Variants in UPF2 observed in about 807,000 individuals in gnomAD.
UPF2 encodes UPF2 regulator of nonsense mediated mRNA decay.
UPF2 carries 17 observed loss-of-function variants against 141.4 expected under a neutral mutation model. The observed-to-expected ratio is 0.12, with a 90% CI of 0.08 to 0.18. The LOEUF is 0.18. Ranked by LOEUF, UPF2 falls within the 10% of genes least tolerant of loss-of-function variation. The pLI is 1.00. For missense variants in UPF2, 1,152 were observed against 1,515.9 expected (o/e 0.76, Z 3.99); for synonymous variants, 540 against 498.0 (o/e 1.08, Z -1.12).
intron 18 of UPF2, among the ~76,000 whole-genome samples, chr10:11,937,805 T>C (rs1832873140): frequency 6.6e-6 from 1 of 152,220 alleles, no homozygotes; most frequent in African/African-American, 2.4e-5. Context: ...AAATCCTGTT[T>C]TATTGTTTCT....
intron 8 of UPF2, among the ~76,000 whole-genome samples, chr10:11,993,965 G>A (rs1833824453): frequency 6.6e-6 from 1 of 152,062 alleles, no homozygotes; most frequent in East Asian, 1.9e-4. Flanking sequence ...CTCAAGCCTA[G>A]GCAACAGAGC....
At chr10:12,026,809 T>C in intron 3 of UPF2, 1 of 374,992 alleles carries the variant, frequency 2.7e-6, no homozygotes, top group Non-Finnish European at 5.1e-6. Flanking sequence ...CCTGCCACCA[T>C]GCCCGGCTAA....
At chr10:11,925,203 T>C (rs1832696898) in intron 21 of UPF2, among the ~76,000 whole-genome samples, 1 of 152,230 alleles carries the variant, frequency 6.6e-6, no homozygotes, top group South Asian at 2.1e-4. Flanking sequence ...TCATCTACCA[T>C]GTTTATCGCA....
intron 8 of UPF2, among the ~76,000 whole-genome samples, chr10:11,997,171 T>C (rs964806299): frequency 2.0e-5 from 3 of 152,322 alleles, no homozygotes; most frequent in Non-Finnish European, 4.4e-5. Flanking sequence ...CTTGAATTAC[T>C]AGCAACATAA....
At chr10:12,022,513 G>A (rs1451590801) in intron 3 of UPF2, among the ~76,000 whole-genome samples, 1 of 151,938 alleles carries the variant, frequency 6.6e-6, no homozygotes, top group Non-Finnish European at 1.5e-5. Context: ...CTAGAACATA[G>A]CAAAGCAAAA....
At chr10:12,015,609 G>C (rs529292914) in intron 3 of UPF2, among the ~76,000 whole-genome samples, 238 of 152,310 alleles carry the variant, frequency 1.6e-3, no homozygotes, top group African/African-American at 5.6e-3. Context: ...GGCCGAGGCA[G>C]AAGAATCGCT....
chr10:12,035,176 T>A lies in UPF2; in HGVS notation c.248A>T (p.Glu83Val). The change falls in exon 2 of 22, where the codon GAG becomes GTG. Residue 83 changes from glutamate (E) to valine (V), a missense_variant. Glu to Val is a moderately radical substitution (Grantham distance 121). This residue lies in a region of UPF2 where 145 missense variants were observed against 136.5 expected (regional missense o/e 1.06). Coordinates refer to ENST00000357604, the MANE Select transcript of UPF2 (RefSeq NM_015542.4). Reference protein sequence around the residue: ...KKKDEEKVKAEEESKKKEEEE... With the variant: ...KKKDEEKVKAVEESKKKEEEE... Reference sequence around the variant, plus strand: ...CTCTTCTTTTTTCTTTGATTCTTCCTCTGCCTTCACCTTTTCTTCGTCTTT... The same window carrying A: ...CTCTTCTTTTTTCTTTGATTCTTCCACTGCCTTCACCTTTTCTTCGTCTTT... The A allele has an allele frequency of 6.2e-7, 1 of 1,612,056 alleles. No homozygotes were observed. Among genetic ancestry groups the A allele is most frequent in the Non-Finnish European group, 8.5e-7 (1 of 1,179,720 alleles).
chr10:11,985,204 G>C (rs1833667202), intron 8 of UPF2, among the ~76,000 whole-genome samples: 1 of 152,178 alleles, frequency 6.6e-6, no homozygotes, highest in East Asian at 1.9e-4. Flanking sequence ...CCTATAAAAA[G>C]GACAGTTGAT....
chr10:11,944,010 C>CA lies in UPF2; in HGVS notation c.3175-843dup, dbSNP rs59692209. Among the ~76,000 whole-genome samples the CA allele has an allele frequency of 7.5e-3, 1,076 of 143,090 alleles. 10 individuals are homozygous for CA. The highest frequency in any genetic ancestry group is 0.022 in the African/African-American group (863 of 39,402). 93.9% of individuals were successfully genotyped at this position (143,090 alleles called of 152,430 possible). A position where few individuals can be genotyped will look rare whatever the true frequency, so the allele number is the denominator to read the frequency against. ...AAGAGTAAAAAAAACAAAAAACAAA[C>CA]AAAAAAAAAAAACCAAAAACCCACT... On this transcript the variant is annotated intron_variant, in intron 16 of 21. Coordinates refer to ENST00000357604, the MANE Select transcript of UPF2 (RefSeq NM_015542.4).
chr10:12,004,155 T>C (rs890590526), intron 5 of UPF2, among the ~76,000 whole-genome samples: 1 of 152,014 alleles, frequency 6.6e-6, no homozygotes, highest in African/African-American at 2.4e-5. Context: ...TCTCAAAGAG[T>C]TGGTTCTATC....
At chr10:11,958,412 A>T (rs556612614) in intron 12 of UPF2, among the ~76,000 whole-genome samples, 2 of 152,334 alleles carry the variant, frequency 1.3e-5, no homozygotes, top group Admixed American at 1.3e-4. Context: ...ATTTCCAACG[A>T]AGCTGGTATG....
chr10:11,990,561 T>A (rs943817884), intron 8 of UPF2, among the ~76,000 whole-genome samples: 13 of 150,936 alleles, frequency 8.6e-5, no homozygotes, highest in Non-Finnish European at 1.8e-4. Flanking sequence ...GTGCCTGTAG[T>A]CCCAGCTACT....
chr10:11,924,258 T>C (rs1832683181), intron 21 of UPF2, among the ~76,000 whole-genome samples: 1 of 152,292 alleles, frequency 6.6e-6, no homozygotes, highest in African/African-American at 2.4e-5. Flanking sequence ...AATTAAAATC[T>C]GGGAGTCCAT....
chr10:11,967,161 T>C (rs1047521483), intron 10 of UPF2, among the ~76,000 whole-genome samples, 180 bp downstream of exon 10: 4 of 152,252 alleles, frequency 2.6e-5, no homozygotes, highest in African/African-American at 4.8e-5. Context: ...TAGAACTGCA[T>C]AAGTATCTAA....
chr10:12,037,700 G>A (rs1341432745), intron 1 of UPF2, among the ~76,000 whole-genome samples: 2 of 150,188 alleles, frequency 1.3e-5, no homozygotes, highest in South Asian at 2.1e-4. Context: ...CCAGCCCTTC[G>A]TTTTTTTTTA....
chr10:11,927,109 C>A (rs548252917), intron 21 of UPF2, among the ~76,000 whole-genome samples: 5 of 152,318 alleles, frequency 3.3e-5, no homozygotes, highest in Admixed American at 3.3e-4. Context: ...CACAACCGTG[C>A]AGGTAAAGAC....
At chr10:11,966,767 A>T (rs1833328343) in intron 10 of UPF2, among the ~76,000 whole-genome samples, 1 of 152,210 alleles carries the variant, frequency 6.6e-6, no homozygotes, top group Admixed American at 6.5e-5. Flanking sequence ...AAAGTGTTAC[A>T]GGTTGAACTT....
intron 15 of UPF2, among the ~76,000 whole-genome samples, chr10:11,948,971 T>C (rs899893070): frequency 2.0e-5 from 3 of 152,254 alleles, no homozygotes; most frequent in Admixed American, 1.3e-4. Context: ...TATGTGGCTA[T>C]CAATTTGAAT....
intron 4 of UPF2, among the ~76,000 whole-genome samples, chr10:12,009,733 A>G (rs1483054619): frequency 6.6e-6 from 1 of 151,510 alleles, no homozygotes; most frequent in Non-Finnish European, 1.5e-5. Flanking sequence ...GTCTGGTAAT[A>G]CTCTACCCAA....
Sources: allele counts gnomAD v4.1 joint callset (sites outside exome capture counted in the v4.1 genomes callset), GRCh38; gene constraint gnomAD v4.1.1; regional missense constraint gnomAD v4.1.1; transcripts MANE v1.5; gene names NCBI Gene and HGNC (gene_info 2026-07-23, HGNC 2026-07-21).